ADORA2A: variants seen among roughly 807,000 people sequenced by gnomAD.
The protein encoded by ADORA2A is adenosine A2a receptor.
In ADORA2A, 11 loss-of-function variants were observed where a neutral mutation model predicts 18.4. The observed-to-expected ratio is 0.60, with a 90% CI of 0.38 to 0.99. The LOEUF is 0.99. Ranked by LOEUF, ADORA2A falls within the 50% of genes least tolerant of loss-of-function variation. ADORA2A has a pLI of 0.01. For synonymous variants in ADORA2A, 218 were observed against 237.3 expected, an observed-to-expected ratio of 0.92 and a Z score of 0.75; for missense variants, 449 against 556.1, an observed-to-expected ratio of 0.81 and a Z score of 1.94.
upstream of ADORA2A, among the ~76,000 whole-genome samples, chr22:24,425,281 T>C (rs1006261631): frequency 7.3e-5 from 11 of 151,246 alleles, no homozygotes; most frequent in Non-Finnish European, 1.2e-4. Flanking sequence ...TGGCCCTGCT[T>C]TGGCCGTTCC....
intron 2 of ADORA2A, among the ~76,000 whole-genome samples, chr22:24,437,551 A>AT (rs1356597478): frequency 6.6e-6 from 1 of 152,190 alleles, no homozygotes; most frequent in Non-Finnish European, 1.5e-5. Flanking sequence ...GAAAAAAAAA[A>AT]GTCATGTTTT....
rs200323750 is a variant in ADORA2A at position 24,441,084 on chromosome 22, C to T, written c.834C>T (p.His278=). 27 of 1,614,054 alleles carry T rather than the reference C, an allele frequency of 1.7e-5. No individual in the cohort carries two copies. Among genetic ancestry groups the T allele is most frequent in the Non-Finnish European group, 2.1e-5 (25 of 1,180,050 alleles). Residue 278 remains histidine, a synonymous_variant, in exon 3 of 3, where the codon CAC becomes CAT. Transcript: ENST00000337539. ...TGTACCTGGCCATCGTCCTCTCCCA[C>T]ACCAATTCGGTTGTGAATCCCTTCA... ...WLMYLAIVLS[H]TNSVVNPFIY...
chr22:24,438,348 A>C (rs1397029596), intron 2 of ADORA2A: 4 of 152,262 alleles, frequency 2.6e-5, no homozygotes, highest in Admixed American at 6.5e-5. Context: ...GAATAATGTC[A>C]AAATTAATAT....
chr22:24,431,603 G>A (rs150722843), intron 1 of ADORA2A: 6,247 of 420,400 alleles, frequency 0.015, 65 homozygotes, highest in African/African-American at 0.031. Flanking sequence ...CCGAGTCCAC[G>A]TGAAAGGCAG....
rs778601588 is a variant in ADORA2A at position 24,433,619 on chromosome 22, C to T, written c.215C>T (p.Ala72Val). The T allele has an allele frequency of 6.2e-7, 1 of 1,613,960 alleles. No homozygotes were observed. Among genetic ancestry groups the T allele is most frequent in the South Asian group, 1.1e-5 (1 of 91,088 alleles). The change falls in exon 2 of 3, where the codon GCT (alanine) becomes GTT (valine). Residue 72 changes from alanine to valine, a missense_variant. Coordinates refer to ENST00000337539, the MANE Select transcript of ADORA2A (RefSeq NM_000675.6). ...ATCACCATCAGCACCGGGTTCTGCG[C>T]TGCCTGCCACGGCTGCCTCTTCATT... ...FAITISTGFC[A>V]ACHGCLFIAC...
In ADORA2A at chr22:24,440,689, G is replaced by A. The variant is rs78720419; in HGVS notation, c.439G>A (p.Gly147Ser). Residue 147 changes from glycine (G) to serine (S), a missense_variant, in exon 3 of 3, where the codon GGT (glycine) becomes AGT (serine). Gly to Ser is a moderately conservative substitution (Grantham distance 56, BLOSUM62 0). Transcript: ENST00000337539. ...TCCCATGCTAGGTTGGAACAACTGC[G>A]GTCAGCCAAAGGAGGGCAAGAACCA... Reference protein sequence around the residue: ...LTPMLGWNNCGQPKEGKNHSQ... With the variant: ...LTPMLGWNNCSQPKEGKNHSQ... The A allele has an allele frequency of 2.7e-3, 4,395 of 1,613,652 alleles. 94 individuals are homozygous for A. In the African/African-American group the frequency reaches 0.049, roughly 18 times the overall value.
intron 2 of ADORA2A, among the ~76,000 whole-genome samples, chr22:24,440,026 C>A (rs2043296302): frequency 1.3e-5 from 2 of 152,186 alleles, no homozygotes; most frequent in South Asian, 4.1e-4. Context: ...GAAGAGAAGA[C>A]AGGGTATGGA....
chr22:24,437,399 G>A (rs2043207171), intron 2 of ADORA2A, among the ~76,000 whole-genome samples: 1 of 152,224 alleles, frequency 6.6e-6, no homozygotes. Flanking sequence ...ATGCAGCCCA[G>A]GATATGCTGC....
At position 24,441,632 on chromosome 22, in the gene ADORA2A, C is replaced by T. The variant is rs1384073586; in HGVS notation, c.*143C>T. On this transcript the variant is annotated 3_prime_UTR_variant, in exon 3 of 3. Transcript: ENST00000337539. Reference sequence around the variant, plus strand: ...CTACTTTGGACTGAGAGAAGGGAGCCCCAGGCTGGAGCAGCATGAGGCCCA... The same window carrying T: ...CTACTTTGGACTGAGAGAAGGGAGCTCCAGGCTGGAGCAGCATGAGGCCCA... The T allele has an allele frequency of 4.8e-6, 4 of 837,920 alleles. No individual in the cohort carries two copies. In the Admixed American group the frequency reaches 1.1e-4, roughly 23 times the overall value. 51.9% of individuals were successfully genotyped at this position (837,920 alleles called of 1,614,324 possible). A position where few individuals can be genotyped will look rare whatever the true frequency, so the allele number is the denominator to read the frequency against.
At chr22:24,428,043 G>A (rs1486007115) in intron 1 of ADORA2A, among the ~76,000 whole-genome samples, 4 of 152,230 alleles carry the variant, frequency 2.6e-5, no homozygotes, top group Admixed American at 1.3e-4. Context: ...TGCACCCAGC[G>A]CCTGAAGTAA....
chr22:24,428,192 A>G (rs1168653404), intron 1 of ADORA2A, among the ~76,000 whole-genome samples: 4 of 152,108 alleles, frequency 2.6e-5, no homozygotes, highest in African/African-American at 9.7e-5. Flanking sequence ...GGGTTCTGGG[A>G]GGTTCATGCC....
chr22:24,438,927 A>G (rs1267693189), intron 2 of ADORA2A, among the ~76,000 whole-genome samples: 2 of 152,074 alleles, frequency 1.3e-5, no homozygotes, highest in Non-Finnish European at 2.9e-5. Flanking sequence ...TACGTTTTGC[A>G]TGGCGCTGAA....
chr22:24,434,915 G>A (rs1181768079), intron 2 of ADORA2A, among the ~76,000 whole-genome samples: 4 of 152,212 alleles, frequency 2.6e-5, no homozygotes, highest in Non-Finnish European at 5.9e-5. Flanking sequence ...GAGCTGGGGC[G>A]AGTCCTGGAA....
chr22:24,433,303 G>A lies in ADORA2A; in HGVS notation c.-102G>A, dbSNP rs200657505. The A allele has an allele frequency of 1.5e-5, 18 of 1,208,610 alleles. No homozygotes were observed. Among genetic ancestry groups the A allele is most frequent in the East Asian group, 5.1e-5 (2 of 39,226 alleles). 74.9% of individuals were successfully genotyped at this position (1,208,610 alleles called of 1,614,324 possible). ...GGGGCTCAGGGGTCTGGGCCCCTCCGCCTGGGCCGGGCTGGGAGCCAGGCG... is the reference window on the plus strand; with the variant it reads ...GGGGCTCAGGGGTCTGGGCCCCTCCACCTGGGCCGGGCTGGGAGCCAGGCG... On this transcript the variant is annotated 5_prime_UTR_variant, in exon 2 of 3. Coordinates refer to ENST00000337539, the MANE Select transcript of ADORA2A (RefSeq NM_000675.6).
At chr22:24,435,851 T>C (rs2043160082) in intron 2 of ADORA2A, among the ~76,000 whole-genome samples, 2 of 152,158 alleles carry the variant, frequency 1.3e-5, no homozygotes, top group South Asian at 2.1e-4. Flanking sequence ...TTGACTCTGC[T>C]CCATGAGGCT....
In ADORA2A at chr22:24,440,618, G is replaced by A. The variant is rs776995788; in HGVS notation, c.368G>A (p.Gly123Asp). ...NGLVTGTRAK[G>D]IIAICWVLSF... Reference sequence around the variant, plus strand: ...TTGGTGACCGGCACGAGGGCTAAGGGCATCATTGCCATCTGCTGGGTGCTG... The same window carrying A: ...TTGGTGACCGGCACGAGGGCTAAGGACATCATTGCCATCTGCTGGGTGCTG... The change falls in exon 3 of 3, where the codon GGC becomes GAC. Residue 123 changes from glycine (G) to aspartate (D), a missense_variant. By Grantham distance (94) the Gly-to-Asp change is moderately conservative. Coordinates refer to ENST00000337539, the MANE Select transcript of ADORA2A (RefSeq NM_000675.6). 3.1e-6 allele frequency: 5 copies of A among 1,587,410 alleles called. No individual in the cohort carries two copies. Among genetic ancestry groups the A allele is most frequent in the Admixed American group, 1.7e-5 (1 of 58,556 alleles).
chr22:24,439,071 CCTT>C (rs1448777100), intron 2 of ADORA2A, among the ~76,000 whole-genome samples: 12 of 77,926 alleles, frequency 1.5e-4, no homozygotes, highest in South Asian at 5.2e-4. Flanking sequence ...TCCCCTTGCA[CCTT>C]TTTTTTTTTT....
chr22:24,427,820 G>C (rs1316270291), intron 1 of ADORA2A, 74 bp downstream of exon 1: 1 of 152,240 alleles, frequency 6.6e-6, no homozygotes, highest in Non-Finnish European at 1.5e-5. Context: ...ATGGGGGTGT[G>C]GGGAGCAGGA....
upstream of ADORA2A, among the ~76,000 whole-genome samples, chr22:24,425,337 A>ACCCCCCCCCCC (rs398036656): frequency 0.026 from 2,164 of 82,458 alleles, 103 homozygotes; most frequent in Middle Eastern, 0.035. Context: ...TGTGGGCAGC[A>ACCCCCCCCCCC]CCCCCCCCCC....
Sources: gnomAD v4.1 joint callset for allele counts (sites outside exome capture counted in the v4.1 genomes callset) on GRCh38, gnomAD v4.1.1 for gene constraint, MANE v1.5 for transcripts, NCBI Gene and HGNC (gene_info 2026-07-23, HGNC 2026-07-21) for gene names.